The following CCL17 variants were observed in gnomAD, a reference collection of about 807,000 sequenced individuals.
CCL17 encodes C-C motif chemokine 17.
In CCL17, 8 loss-of-function variants were observed where a neutral mutation model predicts 7.4. The observed-to-expected ratio is 1.09, with a 90% CI of 0.64 to 1.96. CCL17 has a LOEUF of 1.96. Among genes scored for constraint, CCL17 ranks in the 30% most tolerant of loss-of-function variants. The pLI is 0.00. For synonymous variants in CCL17, 40 were observed against 46.1 expected, an observed-to-expected ratio of 0.87 and a Z score of 0.54; for missense variants, 102 against 113.0, an observed-to-expected ratio of 0.90 and a Z score of 0.44.
upstream of CCL17, among the ~76,000 whole-genome samples, chr16:57,403,616 TTATAA>T (rs1902649568): frequency 2.7e-5 from 2 of 75,270 alleles, no homozygotes; most frequent in African/African-American, 5.2e-5. Flanking sequence ...TAATATATAT[TTATAA>T]TATATATTAT....
intron 2 of CCL17, among the ~76,000 whole-genome samples, chr16:57,414,411 T>C (rs1230693924): frequency 5.6e-5 from 1 of 17,784 alleles, no homozygotes; most frequent in African/African-American, 1.8e-4. Context: ...AAAAGGATTC[T>C]TTTTTTTTTT....
chr16:57,410,961 A>C (rs1902775351), intron 1 of CCL17, among the ~76,000 whole-genome samples: 1 of 152,172 alleles, frequency 6.6e-6, no homozygotes, highest in African/African-American at 2.4e-5. Flanking sequence ...TTAGCCTTGC[A>C]TTTAGGCAGT....
At chr16:57,396,690 T>C in the CCL17 span, among the ~76,000 whole-genome samples, 1 of 152,150 alleles carries the variant, frequency 6.6e-6, no homozygotes, top group African/African-American at 2.4e-5. Context: ...TTGGAGGCTC[T>C]GAGAAGCGGA....
upstream of CCL17, among the ~76,000 whole-genome samples, chr16:57,401,350 C>T (rs1250222231): frequency 6.6e-6 from 1 of 151,856 alleles, no homozygotes; most frequent in African/African-American, 2.4e-5. Flanking sequence ...ATGGTGGAAC[C>T]CCGTCTCTAC....
At chr16:57,412,196 G>A (rs966831679) in intron 1 of CCL17, among the ~76,000 whole-genome samples, 1 of 152,234 alleles carries the variant, frequency 6.6e-6, no homozygotes, top group African/African-American at 2.4e-5. Context: ...GGTCCAGAGA[G>A]GGTCTGTGAG....
chr16:57,400,319 A>C (rs553603124), upstream of CCL17, among the ~76,000 whole-genome samples: 2 of 152,196 alleles, frequency 1.3e-5, no homozygotes, highest in South Asian at 2.1e-4. Context: ...ATATTGCGCC[A>C]CTGCACTCCA....
At chr16:57,413,127 C>T (rs752451471) in intron 1 of CCL17, among the ~76,000 whole-genome samples, 74 of 152,136 alleles carry the variant, frequency 4.9e-4, no homozygotes, top group Non-Finnish European at 9.1e-4. Flanking sequence ...CTGACCCCTT[C>T]GTTTTGTTCT....
chr16:57,413,978 G>T lies in CCL17; in HGVS notation c.46G>T (p.Ala16Ser), dbSNP rs532909387. Residue 16 changes from alanine (A) to serine (S), a missense_variant, in exon 2 of 4, where the codon GCT becomes TCT. Physicochemically the swap from Ala to Ser is moderately conservative, Grantham distance 99. Coordinates refer to ENST00000219244, the MANE Select transcript of CCL17 (RefSeq NM_002987.3). ...MLALVTLLLG[A>S]SLQHIHAARG... ...GGCCCTGGTCACCCTCCTCCTGGGG[G>T]CTTCTCTGCAGCACATCCACGCAGG... 7.0e-5 allele frequency: 113 copies of T among 1,611,688 alleles called. 1 individual carries two copies. In the Admixed American group the frequency reaches 7.0e-4, roughly 10 times the overall value.
intron 2 of CCL17, 71 bp downstream of exon 2, chr16:57,414,073 C>T: frequency 1.7e-6 from 2 of 1,190,166 alleles, no homozygotes; most frequent in South Asian, 2.7e-5. Context: ...AAGACCACCA[C>T]AGCAATACAC....
At chr16:57,403,554 TATATATATAATATATATTTATA>T (rs1179472768), upstream of CCL17, among the ~76,000 whole-genome samples, 551 of 28,442 alleles carry the variant, frequency 0.019, 4 homozygotes, top group African/African-American at 0.023. Flanking sequence ...ATATATTTTA[TATATATATAATATATATTTATA>T]ATATATATAA....
At chr16:57,402,344 C>G (rs1902605992), upstream of CCL17, among the ~76,000 whole-genome samples, 2 of 152,222 alleles carry the variant, frequency 1.3e-5, no homozygotes, top group Non-Finnish European at 2.9e-5. Flanking sequence ...GAGGCCAGAT[C>G]CACCAGGCTC....
intron 1 of CCL17, among the ~76,000 whole-genome samples, chr16:57,406,981 G>A (rs994527618): frequency 6.6e-6 from 1 of 152,122 alleles, no homozygotes; most frequent in Middle Eastern, 3.2e-3. Context: ...CTTTCCTAGA[G>A]CATCAGAGCT....
chr16:57,400,097 C>T (rs1441025543), upstream of CCL17, among the ~76,000 whole-genome samples: 7 of 152,166 alleles, frequency 4.6e-5, no homozygotes, highest in African/African-American at 7.2e-5. Context: ...CGGTGGCTCA[C>T]GCCTGTAATC....
At chr16:57,401,406 C>T (rs1393780489), upstream of CCL17, among the ~76,000 whole-genome samples, 1 of 151,948 alleles carries the variant, frequency 6.6e-6, no homozygotes, top group Non-Finnish European at 1.5e-5. Context: ...CCCCTATAAT[C>T]CCAGCTACTC....
chr16:57,403,496 AT>A (rs1902638533), upstream of CCL17, among the ~76,000 whole-genome samples: 2 of 24,218 alleles, frequency 8.3e-5, no homozygotes, highest in Non-Finnish European at 6.1e-5. Context: ...TAATATATAT[AT>A]TATAATATAT....
upstream of CCL17, among the ~76,000 whole-genome samples, chr16:57,401,839 G>T (rs1438068164): frequency 6.6e-6 from 1 of 152,172 alleles, no homozygotes; most frequent in African/African-American, 2.4e-5. Context: ...TCTGGCTGAA[G>T]CTGCCCCCCG....
At position 57,415,019 on chromosome 16, in the gene CCL17, A is replaced by G; in HGVS notation, c.71-62A>G. 9.4e-7 allele frequency: 1 copy of G among 1,061,266 alleles called. No individual in the cohort carries two copies. Among genetic ancestry groups the G allele is most frequent in the South Asian group, 1.2e-5 (1 of 80,052 alleles). 65.7% of individuals were successfully genotyped at this position (1,061,266 alleles called of 1,614,324 possible). ...CAGATCTTCCACGAACACCCCCCAG[A>G]GGTCCCCGCAACACACACGCAGACA... On this transcript the variant is annotated intron_variant, in intron 2 of 3. Transcript: ENST00000219244. This position sits in a 1 kb window ranked among gnomAD's most constrained non-coding sequence, Gnocchi z 4.5.
the CCL17 span, among the ~76,000 whole-genome samples, chr16:57,399,062 T>G: frequency 6.6e-6 from 1 of 152,206 alleles, no homozygotes; most frequent in Non-Finnish European, 1.5e-5. Flanking sequence ...CCTCTGGTAT[T>G]TGAGAGTAGG....
At chr16:57,403,520 A>T (rs1479663865), upstream of CCL17, among the ~76,000 whole-genome samples, 3 of 30,658 alleles carry the variant, frequency 9.8e-5, no homozygotes, top group African/African-American at 5.9e-4. Flanking sequence ...ATTATATTAT[A>T]TATATGTTAT....
Sources: gnomAD v4.1 joint callset for allele counts (sites outside exome capture counted in the v4.1 genomes callset) on GRCh38, gnomAD v4.1.1 for gene constraint, Gnocchi (gnomAD v3.1) non-coding constraint, MANE v1.5 for transcripts, NCBI Gene and HGNC (gene_info 2026-07-23, HGNC 2026-07-21) for gene names.